The following ROBO1 variants were observed in gnomAD, a reference collection of about 807,000 sequenced individuals.
ROBO1 encodes the protein roundabout homolog 1.
Under a neutral mutation model 195.9 loss-of-function variants are expected in ROBO1, and 149 were observed. The observed-to-expected ratio is 0.76, with a 90% confidence interval of 0.67 to 0.87. The LOEUF (loss-of-function observed/expected upper bound fraction) is 0.87, where lower values mean the gene tolerates loss of function less well. ROBO1 is among the 40% of genes least tolerant of loss of function. ROBO1 has a pLI of 0.00. For synonymous variants in ROBO1, 816 were observed against 733.2 expected (o/e 1.11, Z -1.82); for missense variants, 1,933 against 2,068.3 (o/e 0.93, Z 1.27).
At chr3:78,875,461 A>G (rs1011660605) in intron 4 of ROBO1, among the ~76,000 whole-genome samples, 1 of 152,078 alleles carries the variant, frequency 6.6e-6, no homozygotes, top group African/African-American at 2.4e-5. Flanking sequence ...TAAATGATAT[A>G]GATAAAATGT....
intron 1 of ROBO1, among the ~76,000 whole-genome samples, chr3:79,591,694 A>C (rs1944003873): frequency 6.6e-6 from 1 of 151,892 alleles, no homozygotes; most frequent in Admixed American, 6.6e-5. Flanking sequence ...TCTTTTACAG[A>C]GTTATCCATT....
chr3:79,342,814 A>T (rs2034961731), intron 2 of ROBO1, among the ~76,000 whole-genome samples: 1 of 152,160 alleles, frequency 6.6e-6, no homozygotes, highest in Non-Finnish European at 1.5e-5. Flanking sequence ...CCCTTATCAG[A>T]GTAAAATATT....
chr3:78,992,876 G>A (rs184678123), intron 3 of ROBO1, among the ~76,000 whole-genome samples: 1 of 152,256 alleles, frequency 6.6e-6, no homozygotes, highest in East Asian at 1.9e-4. Context: ...AAAGCTCTGA[G>A]GTGGATCAGA....
intron 2 of ROBO1, among the ~76,000 whole-genome samples, chr3:79,281,771 G>T (rs755818843): frequency 5.3e-4 from 81 of 152,030 alleles, no homozygotes; most frequent in Non-Finnish European, 9.7e-4. Context: ...CATCATCGGA[G>T]GGAACAAACT....
chr3:78,641,223 G>A (rs543628445), intron 21 of ROBO1, among the ~76,000 whole-genome samples: 123 of 152,254 alleles, frequency 8.1e-4, no homozygotes, highest in African/African-American at 2.8e-3. Context: ...GAAATGGGAC[G>A]TCTAAGAGAG....
chr3:79,699,432 A>G (rs574797719), intron 1 of ROBO1, among the ~76,000 whole-genome samples: 80 of 151,730 alleles, frequency 5.3e-4, no homozygotes, highest in African/African-American at 1.9e-3. Flanking sequence ...TACCATAAAT[A>G]CAATAACATT....
chr3:78,932,825 TAA>T (rs948829966), intron 4 of ROBO1, among the ~76,000 whole-genome samples: 2 of 152,190 alleles, frequency 1.3e-5, no homozygotes, highest in African/African-American at 4.8e-5. Flanking sequence ...GTATGTATTT[TAA>T]AAGTGTTCTA....
intron 8 of ROBO1, chr3:78,693,437 G>C (rs1033141964): frequency 9.8e-7 from 1 of 1,023,540 alleles, no homozygotes. Flanking sequence ...AATAAGATTT[G>C]ACTTAACAAT....
chr3:79,667,584 T>G (rs1385344686), intron 1 of ROBO1, among the ~76,000 whole-genome samples: 1 of 151,766 alleles, frequency 6.6e-6, no homozygotes, highest in Non-Finnish European at 1.5e-5. Flanking sequence ...ACTTTTAAAT[T>G]TTTAACCTTT....
chr3:78,886,349 C>T (rs995266390), intron 4 of ROBO1, among the ~76,000 whole-genome samples: 1 of 152,102 alleles, frequency 6.6e-6, no homozygotes, highest in Non-Finnish European at 1.5e-5. Context: ...GTAATCCCAG[C>T]ACTTTGGGAG....
intron 1 of ROBO1, among the ~76,000 whole-genome samples, chr3:79,605,023 C>T (rs1478247944): frequency 6.6e-6 from 1 of 151,954 alleles, no homozygotes; most frequent in Non-Finnish European, 1.5e-5. Flanking sequence ...TTTCTCTTCT[C>T]TTTTCTTATT....
chr3:79,646,229 T>A (rs140738275), intron 1 of ROBO1, among the ~76,000 whole-genome samples: 260 of 152,022 alleles, frequency 1.7e-3, no homozygotes, highest in African/African-American at 6.0e-3. Flanking sequence ...AATAATAATT[T>A]GATTAAAAAA....
At chr3:79,059,943 T>C (rs1167891597) in intron 3 of ROBO1, among the ~76,000 whole-genome samples, 1 of 152,008 alleles carries the variant, frequency 6.6e-6, no homozygotes, top group Non-Finnish European at 1.5e-5. Context: ...CCTGCCGAGC[T>C]GGGCAGAACA....
chr3:78,639,124 C>T (rs1429047898), intron 22 of ROBO1, among the ~76,000 whole-genome samples: 1 of 151,808 alleles, frequency 6.6e-6, no homozygotes, highest in Non-Finnish European at 1.5e-5. Flanking sequence ...CCAGCCTGGC[C>T]TACAGAGTGA....
intron 2 of ROBO1, among the ~76,000 whole-genome samples, chr3:79,520,869 A>T (rs1255556543): frequency 6.6e-6 from 1 of 152,232 alleles, no homozygotes; most frequent in Non-Finnish European, 1.5e-5. Context: ...TTTATGAGAA[A>T]AATACTTTGA....
chr3:78,736,837 A>T (rs1324887886), intron 5 of ROBO1, among the ~76,000 whole-genome samples: 1 of 152,160 alleles, frequency 6.6e-6, no homozygotes, highest in Non-Finnish European at 1.5e-5. Flanking sequence ...TGATAAGTGT[A>T]TGTGTAATTA....
intron 2 of ROBO1, among the ~76,000 whole-genome samples, chr3:79,531,579 T>A (rs1329080497): frequency 6.6e-6 from 1 of 152,002 alleles, no homozygotes; most frequent in Non-Finnish European, 1.5e-5. Flanking sequence ...TAACGTAAAC[T>A]TTTTTCTGTC....
intron 2 of ROBO1, among the ~76,000 whole-genome samples, chr3:79,310,359 G>A (rs1318017559): frequency 2.6e-5 from 4 of 151,982 alleles, no homozygotes; most frequent in African/African-American, 9.7e-5. Context: ...CCTGGGACTG[G>A]GGGCCTTTTA....
intron 14 of ROBO1, among the ~76,000 whole-genome samples, 161 bp downstream of exon 14, chr3:78,667,722 G>A (rs1250609776): frequency 6.6e-6 from 1 of 152,112 alleles, no homozygotes; most frequent in Non-Finnish European, 1.5e-5. Flanking sequence ...AAAGTTTGTA[G>A]ACATTGTGTT....
Sources: allele counts gnomAD v4.1 joint callset (sites outside exome capture counted in the v4.1 genomes callset), GRCh38; gene constraint gnomAD v4.1.1; transcripts MANE v1.5; gene names NCBI Gene and HGNC (gene_info 2026-07-23, HGNC 2026-07-21).